Variants in CDH13 observed in about 807,000 individuals in gnomAD.
CDH13 encodes cadherin-13.
In CDH13, 24 loss-of-function variants were observed where a neutral mutation model predicts 63.8. The observed-to-expected ratio is 0.38, with a 90% CI of 0.27 to 0.53. The LOEUF (loss-of-function observed/expected upper bound fraction) is 0.53. Among genes scored for constraint, CDH13 ranks in the 20% least tolerant of loss-of-function variants. The pLI is 0.85. For synonymous variants in CDH13, 503 were observed against 355.3 expected, an observed-to-expected ratio of 1.42 and a Z score of -4.67; for missense variants, 1,049 against 903.1, an observed-to-expected ratio of 1.16 and a Z score of -2.07.
chr16:83,170,263 C>G (rs1322306454), intron 4 of CDH13, among the ~76,000 whole-genome samples: 1 of 152,050 alleles, frequency 6.6e-6, no homozygotes, highest in African/African-American at 2.4e-5. Context: ...GATTTTTCCT[C>G]TAGAAAAAAA....
intron 1 of CDH13, among the ~76,000 whole-genome samples, chr16:82,742,352 A>G (rs2033970333): frequency 6.6e-6 from 1 of 152,128 alleles, no homozygotes. Context: ...CAAATTTTCT[A>G]CAATGAACAT....
chr16:82,923,741 C>T (rs1436704231), intron 2 of CDH13, among the ~76,000 whole-genome samples: 1 of 152,192 alleles, frequency 6.6e-6, no homozygotes, highest in Non-Finnish European at 1.5e-5. Context: ...TAAATATGTG[C>T]TTCTTTCCTC....
At chr16:83,075,243 A>T (rs997027579) in intron 3 of CDH13, among the ~76,000 whole-genome samples, 2 of 152,162 alleles carry the variant, frequency 1.3e-5, no homozygotes, top group African/African-American at 4.8e-5. Flanking sequence ...GATTCCTGGC[A>T]TAACCTCCCA....
At chr16:83,225,404 C>A (rs1310814946) in intron 5 of CDH13, among the ~76,000 whole-genome samples, 1 of 152,220 alleles carries the variant, frequency 6.6e-6, no homozygotes. Context: ...ATTAGTGGCA[C>A]CTGAGAGCCA....
intron 2 of CDH13, among the ~76,000 whole-genome samples, chr16:83,014,756 ATATATATATATATATATATG>A (rs1431934131): frequency 4.1e-4 from 19 of 46,172 alleles, no homozygotes; most frequent in African/African-American, 1.2e-3. Context: ...ATATATATAT[ATATATATATATATATATATG>A]TATATATATA....
At chr16:82,926,636 C>A (rs2042311670) in intron 2 of CDH13, among the ~76,000 whole-genome samples, 1 of 152,194 alleles carries the variant, frequency 6.6e-6, no homozygotes, top group Non-Finnish European at 1.5e-5. Context: ...GCTCTAGGTA[C>A]AAAAGCCTTG....
intron 6 of CDH13, among the ~76,000 whole-genome samples, chr16:83,361,769 C>G (rs911069610): frequency 2.0e-5 from 3 of 152,012 alleles, no homozygotes; most frequent in East Asian, 1.9e-4. Flanking sequence ...GTTCTTTATT[C>G]TGTCTCATTA....
In CDH13 at chr16:83,375,486, G is replaced by T. The variant is rs143349487; in HGVS notation, c.781+30480G>T. ...GTATCTGTTGTGTGCAGAGAAATAT[G>T]TTGGAGGACTCTGGGAACTTGAAGA... On this transcript the variant is annotated intron_variant, in intron 6 of 13. Transcript: ENST00000567109. Among the ~76,000 whole-genome samples the T allele has an allele frequency of 8.0e-3, 1,221 of 152,308 alleles. 13 individuals carry two copies. The highest frequency in any genetic ancestry group is 0.027 in the African/African-American group (1,134 of 41,550).
chr16:83,219,813 A>G (rs1452860272), intron 5 of CDH13, among the ~76,000 whole-genome samples: 2 of 152,224 alleles, frequency 1.3e-5, no homozygotes, highest in African/African-American at 2.4e-5. Flanking sequence ...TTCGGAGGAT[A>G]CAGTAGCAAC....
chr16:83,487,461 G>A (rs2073916222), intron 7 of CDH13, among the ~76,000 whole-genome samples: 1 of 152,132 alleles, frequency 6.6e-6, no homozygotes, highest in Admixed American at 6.5e-5. Context: ...TGGGACATGT[G>A]CTCCCACCTC....
At chr16:82,845,182 G>A (rs577405103) in intron 1 of CDH13, among the ~76,000 whole-genome samples, 25 of 152,266 alleles carry the variant, frequency 1.6e-4, no homozygotes, top group African/African-American at 5.3e-4. Flanking sequence ...GCTGTAGACA[G>A]CCAGGGGCCA....
intron 3 of CDH13, among the ~76,000 whole-genome samples, chr16:83,057,478 A>C (rs890780058): frequency 6.6e-6 from 1 of 152,142 alleles, no homozygotes; most frequent in African/African-American, 2.4e-5. Flanking sequence ...TGAATGATAC[A>C]TGTTATGCTT....
At chr16:83,793,277 G>A (rs1402945572) in intron 13 of CDH13, among the ~76,000 whole-genome samples, 1 of 152,066 alleles carries the variant, frequency 6.6e-6, no homozygotes, top group African/African-American at 2.4e-5. Context: ...GGAGTAAGGT[G>A]GCAACAAAAG....
chr16:83,335,984 A>C (rs1448166127), intron 5 of CDH13, among the ~76,000 whole-genome samples: 1 of 151,992 alleles, frequency 6.6e-6, no homozygotes, highest in African/African-American at 2.4e-5. Flanking sequence ...GTCCTGTTAC[A>C]GCCCTACAGC....
intron 2 of CDH13, among the ~76,000 whole-genome samples, chr16:82,870,581 T>C (rs1047492457): frequency 6.6e-6 from 1 of 152,112 alleles, no homozygotes; most frequent in Non-Finnish European, 1.5e-5. Flanking sequence ...TGTAGCGTAA[T>C]AGGGTAACAA....
At chr16:82,633,024 G>A (rs116566532) in intron 1 of CDH13, among the ~76,000 whole-genome samples, 1 of 152,164 alleles carries the variant, frequency 6.6e-6, no homozygotes. Context: ...GAGCCCAGGC[G>A]GTAATGCGAG....
intron 7 of CDH13, among the ~76,000 whole-genome samples, chr16:83,585,029 C>A (rs530276435): frequency 1.3e-3 from 204 of 152,288 alleles, no homozygotes; most frequent in African/African-American, 4.7e-3. Flanking sequence ...ACCTCCAACA[C>A]TGGGGGTTAC....
chr16:83,587,710 C>A (rs905566606), intron 7 of CDH13, among the ~76,000 whole-genome samples: 2 of 152,170 alleles, frequency 1.3e-5, no homozygotes, highest in African/African-American at 4.8e-5. Flanking sequence ...AAAATCTTAA[C>A]ATACGGAGCC....
chr16:83,474,541 C>T (rs2073549917), intron 6 of CDH13, among the ~76,000 whole-genome samples: 1 of 152,118 alleles, frequency 6.6e-6, no homozygotes, highest in Non-Finnish European at 1.5e-5. Flanking sequence ...GTTTGCTCAA[C>T]CTCATTCTCA....
Sources: allele counts gnomAD v4.1 joint callset (sites outside exome capture counted in the v4.1 genomes callset), GRCh38; gene constraint gnomAD v4.1.1; transcripts MANE v1.5; gene names NCBI Gene and HGNC (gene_info 2026-07-23, HGNC 2026-07-21).